Variants in PTPRM observed in about 807,000 individuals in gnomAD.
PTPRM encodes receptor-type tyrosine-protein phosphatase mu.
A neutral mutation model predicts 186.7 loss-of-function variants in PTPRM; 47 were observed. The observed-to-expected ratio is 0.25, with a 90% confidence interval of 0.20 to 0.32. PTPRM has a LOEUF of 0.32. Ranked by LOEUF, PTPRM falls within the 10% of genes least tolerant of loss-of-function variation. The probability of loss-of-function intolerance (pLI) is 1.00; values close to 1 mark genes in which losing one functional copy is unlikely to be tolerated. For missense variants in PTPRM, 1,494 were observed against 1,865.0 expected (o/e 0.80, Z 3.66); for synonymous variants, 668 against 674.9 (o/e 0.99, Z 0.16).
intron 19 of PTPRM, among the ~76,000 whole-genome samples, chr18:8,271,064 G>A (rs59424943): frequency 0.055 from 8,333 of 152,116 alleles, 309 homozygotes; most frequent in African/African-American, 0.099. Flanking sequence ...TAACTTGACT[G>A]TGGTAATCAT....
chr18:8,077,817 TAGAC>T, intron 9 of PTPRM, among the ~76,000 whole-genome samples: 1 of 152,332 alleles, frequency 6.6e-6, no homozygotes, highest in East Asian at 1.9e-4. Flanking sequence ...TGTTGCTATC[TAGAC>T]AGACAGAAAA....
At chr18:8,074,882 GT>G (rs2089710815) in intron 8 of PTPRM, among the ~76,000 whole-genome samples, 1 of 152,090 alleles carries the variant, frequency 6.6e-6, no homozygotes, top group Admixed American at 6.6e-5. Context: ...TGCCCAAAAG[GT>G]TTTCATTGTG....
intron 14 of PTPRM, among the ~76,000 whole-genome samples, chr18:8,207,244 CGG>C (rs2093944161): frequency 6.6e-6 from 1 of 152,092 alleles, no homozygotes; most frequent in African/African-American, 2.4e-5. Flanking sequence ...GAGTTTTCAC[CGG>C]ATGATATTTC....
At chr18:8,390,440 C>A (rs1352091098) in intron 31 of PTPRM, among the ~76,000 whole-genome samples, 4 of 152,136 alleles carry the variant, frequency 2.6e-5, no homozygotes, top group African/African-American at 9.7e-5. Context: ...AAAATTGAGC[C>A]CTTCTCTTCA....
At chr18:8,233,924 A>C (rs1477203178) in intron 14 of PTPRM, among the ~76,000 whole-genome samples, 1 of 152,118 alleles carries the variant, frequency 6.6e-6, no homozygotes, top group Non-Finnish European at 1.5e-5. Context: ...CTTCTTTGCC[A>C]GTTGATCGTA....
chr18:7,768,244 C>T (rs1463229104), intron 1 of PTPRM, among the ~76,000 whole-genome samples: 1 of 152,134 alleles, frequency 6.6e-6, no homozygotes, highest in Non-Finnish European at 1.5e-5. Flanking sequence ...ATGCCTTAAT[C>T]CTAGTGCTTT....
chr18:8,238,851 T>C (rs1274248141), intron 14 of PTPRM, among the ~76,000 whole-genome samples: 4 of 151,564 alleles, frequency 2.6e-5, no homozygotes, highest in African/African-American at 7.3e-5. Context: ...ATACTTCTCA[T>C]TATTCCTCTC....
intron 2 of PTPRM, among the ~76,000 whole-genome samples, chr18:7,836,602 T>A (rs1255369082): frequency 6.6e-6 from 1 of 152,230 alleles, no homozygotes; most frequent in Non-Finnish European, 1.5e-5. Flanking sequence ...GAGCTTCAGA[T>A]GATATATTGC....
chr18:8,401,153 C>A (rs2095870346), intron 32 of PTPRM, among the ~76,000 whole-genome samples: 1 of 152,094 alleles, frequency 6.6e-6, no homozygotes, highest in African/African-American at 2.4e-5. Flanking sequence ...CTGAACCATT[C>A]TTCTCTGCAG....
At chr18:7,966,503 G>A (rs546947237) in intron 7 of PTPRM, among the ~76,000 whole-genome samples, 5 of 151,850 alleles carry the variant, frequency 3.3e-5, no homozygotes, top group Non-Finnish European at 4.4e-5. Context: ...CAGCGTGAGC[G>A]ACGCAGAAGA....
intron 14 of PTPRM, among the ~76,000 whole-genome samples, chr18:8,161,801 T>C (rs528042263): frequency 6.6e-6 from 1 of 152,280 alleles, no homozygotes; most frequent in South Asian, 2.1e-4. Flanking sequence ...CTGTGATGCA[T>C]GCAAATGGCA....
chr18:7,576,543 A>G (rs1404396198), intron 1 of PTPRM, among the ~76,000 whole-genome samples: 1 of 152,052 alleles, frequency 6.6e-6, no homozygotes, highest in Non-Finnish European at 1.5e-5. Flanking sequence ...ATCACTGATC[A>G]TGGCTCAATG....
intron 14 of PTPRM, among the ~76,000 whole-genome samples, chr18:8,190,558 A>G (rs780268464): frequency 1.2e-4 from 18 of 152,252 alleles, no homozygotes; most frequent in Non-Finnish European, 2.2e-4. Context: ...AGATAATACA[A>G]TCTGTTCAAG....
Position 7,735,028 on chromosome 18 carries a change from C to A in PTPRM, c.74-39121C>A, listed in dbSNP as rs994334025. 7.0e-4 allele frequency among the ~76,000 whole-genome samples: 107 copies of A among 152,316 alleles called. 1 individual carries two copies. The highest frequency in any genetic ancestry group is 2.5e-3 in the African/African-American group (102 of 41,582). On this transcript the variant is annotated intron_variant, in intron 1 of 32. Transcript: ENST00000580170. ...GGGGATTCCAAAGAAACCTGAAAAA[C>A]TAGTTCAGGTCATGAAAGGAAGTGG... is the stretch of plus-strand genomic sequence containing the variant.
chr18:8,143,886 C>G, intron 14 of PTPRM, 107 bp downstream of exon 14: 1 of 1,363,102 alleles, frequency 7.3e-7, no homozygotes, highest in Non-Finnish European at 1.0e-6. Context: ...ATAACCCAGA[C>G]ACATCTGTGA....
intron 2 of PTPRM, among the ~76,000 whole-genome samples, chr18:7,798,171 A>G (rs1258030985): frequency 6.6e-6 from 1 of 152,192 alleles, no homozygotes; most frequent in Non-Finnish European, 1.5e-5. Flanking sequence ...TAGTTCAAAA[A>G]TCTCATGGAG....
At chr18:7,748,654 C>T (rs1056710892) in intron 1 of PTPRM, among the ~76,000 whole-genome samples, 6 of 152,164 alleles carry the variant, frequency 3.9e-5, no homozygotes, top group South Asian at 2.1e-4. Context: ...TTTTCCTGCC[C>T]TCTTTGTCTA....
chr18:8,371,374 G>A (rs920677301), intron 24 of PTPRM, among the ~76,000 whole-genome samples: 7 of 152,174 alleles, frequency 4.6e-5, no homozygotes, highest in African/African-American at 1.7e-4. Context: ...CATGGTGTAT[G>A]TCGATATGCA....
chr18:8,183,897 C>A (rs895389269), intron 14 of PTPRM, among the ~76,000 whole-genome samples: 1 of 152,360 alleles, frequency 6.6e-6, no homozygotes, highest in Non-Finnish European at 1.5e-5. Flanking sequence ...GGAAATCTGA[C>A]ATGGGGCACA....
Sources: gnomAD v4.1 joint callset for allele counts (sites outside exome capture counted in the v4.1 genomes callset) on GRCh38, gnomAD v4.1.1 for gene constraint, MANE v1.5 for transcripts, NCBI Gene and HGNC (gene_info 2026-07-23, HGNC 2026-07-21) for gene names.